The following LZIC variants were observed in gnomAD, a reference collection of about 807,000 sequenced individuals.
LZIC encodes protein LZIC.
A neutral mutation model predicts 25.4 loss-of-function variants in LZIC; 28 were observed. The observed-to-expected ratio is 1.10, with a 90% CI of 0.82 to 1.51. The LOEUF (loss-of-function observed/expected upper bound fraction) is 1.51, where lower values mean the gene tolerates loss of function less well. Among genes scored for constraint, LZIC ranks in the 40% most tolerant of loss-of-function variants. The pLI, the probability that LZIC is intolerant of heterozygous loss-of-function variation, is 0.00. For synonymous variants in LZIC, 65 were observed against 70.7 expected, an observed-to-expected ratio of 0.92 and a Z score of 0.40; for missense variants, 170 against 211.1, an observed-to-expected ratio of 0.81 and a Z score of 1.21.
chr1:9,933,283 AATAT>A lies in LZIC; in HGVS notation c.337-389_337-386del, dbSNP rs772364108. 2.5e-3 allele frequency among the ~76,000 whole-genome samples: 145 copies of A among 58,372 alleles called. 1 individual carries two copies. Among genetic ancestry groups the A allele is most frequent in the South Asian group, 3.8e-3 (6 of 1,566 alleles). 38.3% of individuals were successfully genotyped at this position (58,372 alleles called of 152,430 possible). The stretch of plus-strand genomic sequence containing the variant: ...AAAAAAAAAAAAAAAAAAAAAAAAA[AATAT>A]ATATATATATATATACACATACATA... On this transcript the variant is annotated intron_variant, in intron 5 of 7. Coordinates refer to ENST00000377223, the MANE Select transcript of LZIC (RefSeq NM_032368.5).
chr1:9,939,046 G>A (rs1481606570), intron 2 of LZIC, among the ~76,000 whole-genome samples: 2 of 152,002 alleles, frequency 1.3e-5, no homozygotes, highest in African/African-American at 2.4e-5. Flanking sequence ...TAGGGCAATT[G>A]GCTAGTCATT....
chr1:9,941,923 A>T (rs111999762), intron 2 of LZIC, among the ~76,000 whole-genome samples: 13,875 of 151,248 alleles, frequency 0.092, 933 homozygotes, highest in South Asian at 0.18. Context: ...CTTTTTTTTT[A>T]AAATTTTTTT....
Position 9,931,946 on chromosome 1 carries a change from CAAG to C in LZIC, c.456_458del (p.Phe152del). The C allele has an allele frequency of 1.2e-6, 2 of 1,613,812 alleles. No homozygotes were observed. Among genetic ancestry groups the C allele is most frequent in the Non-Finnish European group, 1.7e-6 (2 of 1,179,860 alleles). On this transcript the variant is annotated inframe_deletion, in exon 7 of 8. Transcript: ENST00000377223. ...TGAGTATAGCACCTGCATTTGCTGACAAGAAGGCCTCATCATCTGCAGTCAGCT... is the reference window on the plus strand; with the variant it reads ...TGAGTATAGCACCTGCATTTGCTGACAAGGCCTCATCATCTGCAGTCAGCT...
Position 9,935,636 on chromosome 1 carries a change from G to A in LZIC, c.102-9C>T. 6.3e-7 allele frequency: 1 copy of A among 1,589,904 alleles called. No individual in the cohort carries two copies. The highest frequency in any genetic ancestry group is 8.5e-7 in the Non-Finnish European group (1 of 1,173,146). On this transcript the variant is annotated splice_polypyrimidine_tract_variant and intron_variant, in intron 3 of 7. Coordinates refer to ENST00000377223, the MANE Select transcript of LZIC (RefSeq NM_032368.5). ...CTGTATCAAGTTCCTCTCTGAAATA[G>A]GTGAACATCATGATATGGAAAAATG...
chr1:9,926,444 G>A lies in LZIC; in HGVS notation c.*3955C>T, dbSNP rs961983415. On this transcript the variant is annotated 3_prime_UTR_variant, in exon 8 of 8. Coordinates refer to ENST00000377223, the MANE Select transcript of LZIC (RefSeq NM_032368.5). ...TAAAGATGACCATTCCATGTTTAAT[G>A]TCTTCAGAGAAGATCTAAAAATCAA... Among the ~76,000 whole-genome samples, 11 of 152,112 alleles carry A rather than the reference G, an allele frequency of 7.2e-5. No homozygotes were observed. The highest frequency in any genetic ancestry group is 1.4e-4 in the African/African-American group (6 of 41,420).
At chr1:9,925,123 C>A (rs1433734713), downstream of LZIC, among the ~76,000 whole-genome samples, 6 of 149,884 alleles carry the variant, frequency 4.0e-5, no homozygotes, top group East Asian at 1.2e-3. Flanking sequence ...ACCAGCCTGG[C>A]CAACATGCAG....
chr1:9,930,321 T>C lies in LZIC; in HGVS notation c.*78A>G. 5 of 1,574,800 alleles carry C rather than the reference T, an allele frequency of 3.2e-6. No homozygotes were observed. Among genetic ancestry groups the C allele is most frequent in the African/African-American group, 1.4e-5 (1 of 72,896 alleles). On this transcript the variant is annotated 3_prime_UTR_variant, in exon 8 of 8. Transcript: ENST00000377223. ...CATTTCCAGAATCTCTTCATTTCTT[T>C]GCAATAACTGAAAACCCCAGAAGAA...
downstream of LZIC, among the ~76,000 whole-genome samples, chr1:9,923,045 A>G (rs1171072622): frequency 6.6e-6 from 1 of 152,156 alleles, no homozygotes; most frequent in East Asian, 1.9e-4. Context: ...ATATAACAGA[A>G]AAAGTAATTT....
At chr1:9,922,283 C>G (rs1190821512), downstream of LZIC, 2 of 985,086 alleles carry the variant, frequency 2.0e-6, no homozygotes, top group African/African-American at 3.5e-5. Flanking sequence ...TAACAGGAAG[C>G]TAATCTTGCT....
At chr1:9,941,469 A>G (rs1640728858) in intron 2 of LZIC, among the ~76,000 whole-genome samples, 1 of 149,382 alleles carries the variant, frequency 6.7e-6, no homozygotes, top group Non-Finnish European at 1.5e-5. Flanking sequence ...TGCTGGGATT[A>G]CAGGTGTAAG....
chr1:9,936,419 CA>C, intron 3 of LZIC, 99 bp downstream of exon 3: 1 of 760,718 alleles, frequency 1.3e-6, no homozygotes, highest in South Asian at 1.6e-5. Context: ...AAGAACACTA[CA>C]GGGGAATGCA....
chr1:9,939,955 C>T (rs1422208350), intron 2 of LZIC, among the ~76,000 whole-genome samples: 1 of 151,968 alleles, frequency 6.6e-6, no homozygotes, highest in East Asian at 2.0e-4. Flanking sequence ...CCCGTCTCTA[C>T]AATAAATTAA....
downstream of LZIC, among the ~76,000 whole-genome samples, chr1:9,923,802 G>C (rs1639916459): frequency 6.6e-6 from 1 of 151,884 alleles, no homozygotes; most frequent in Non-Finnish European, 1.5e-5. Context: ...ACCCAGGCTG[G>C]AGTGTAATGG....
chr1:9,929,839 A>C lies in LZIC; in HGVS notation c.*560T>G. On this transcript the variant is annotated 3_prime_UTR_variant, in exon 8 of 8. Coordinates refer to ENST00000377223, the MANE Select transcript of LZIC (RefSeq NM_032368.5). ...AAAATTCAAAAGATACTAAACTGGG[A>C]GTCAGGACACCTGAGTCTTACCCTC... 1 of 982,680 alleles carries C rather than the reference A, an allele frequency of 1.0e-6. No homozygotes were observed. The highest frequency in any genetic ancestry group is 1.2e-6 in the Non-Finnish European group (1 of 827,440). 60.9% of individuals were successfully genotyped at this position (982,680 alleles called of 1,614,324 possible).
At chr1:9,935,754 A>G (rs572128073) in intron 3 of LZIC, 127 bp from the exon 4 acceptor site, 278 of 861,910 alleles carry the variant, frequency 3.2e-4, no homozygotes, top group Non-Finnish European at 4.3e-4. Flanking sequence ...ATGTGTTCAC[A>G]TAGTAGTAGT....
rs1570642549 is a variant in LZIC at position 9,935,723 on chromosome 1, A to G, written c.102-96T>C. The G allele has an allele frequency of 6.1e-6, 7 of 1,147,408 alleles. 3 individuals are homozygous for G. In the Admixed American group the frequency reaches 1.8e-4, roughly 29 times the overall value. 71.1% of individuals were successfully genotyped at this position (1,147,408 alleles called of 1,614,324 possible). A position where few individuals can be genotyped will look rare whatever the true frequency, so the allele number is the denominator to read the frequency against. On this transcript the variant is annotated intron_variant, in intron 3 of 7. Transcript: ENST00000377223. ...TACATTAGAGAAAGACTGAAGGGAAATATCAAAATGCTGATGGTGAATGTG... is the reference window on the plus strand; with the variant it reads ...TACATTAGAGAAAGACTGAAGGGAAGTATCAAAATGCTGATGGTGAATGTG...
intron 2 of LZIC, among the ~76,000 whole-genome samples, chr1:9,940,737 ACTAC>A (rs1393451454): frequency 2.6e-5 from 4 of 152,344 alleles, no homozygotes; most frequent in East Asian, 1.9e-4. Flanking sequence ...ACAAAAAATT[ACTAC>A]CTAATCTATT....
chr1:9,932,064 G>A (rs559867595), intron 6 of LZIC, 92 bp from the exon 7 acceptor site: 199 of 612,172 alleles, frequency 3.3e-4, no homozygotes, highest in African/African-American at 2.3e-3. Flanking sequence ...GCTGGGCACC[G>A]TGGCTCACGC....
In LZIC at chr1:9,927,733, G is replaced by C. The variant is rs1490501361; in HGVS notation, c.*2666C>G. On this transcript the variant is annotated 3_prime_UTR_variant, in exon 8 of 8. Transcript: ENST00000377223. ...GTGTCTCAGTCTGTCGCCCAGGCTG[G>C]AGTGCAGTGGCGCCATCTCGGCTCA... 3.5e-5 allele frequency among the ~76,000 whole-genome samples: 5 copies of C among 144,124 alleles called. No individual in the cohort carries two copies. Among genetic ancestry groups the C allele is most frequent in the Non-Finnish European group, 7.5e-5 (5 of 66,542 alleles). The allele number at this position is 144,124 out of a possible 152,430, so 94.6% of individuals were successfully genotyped here. A position where few individuals can be genotyped will look rare whatever the true frequency, so the allele number is the denominator to read the frequency against.
Sources: gnomAD v4.1 joint callset for allele counts (sites outside exome capture counted in the v4.1 genomes callset) on GRCh38, gnomAD v4.1.1 for gene constraint, MANE v1.5 for transcripts, NCBI Gene and HGNC (gene_info 2026-07-23, HGNC 2026-07-21) for gene names.